DPP6: variants seen among roughly 807,000 people sequenced by gnomAD.
DPP6 encodes the protein A-type potassium channel modulatory protein DPP6.
A neutral mutation model predicts 122.6 loss-of-function variants in DPP6; 69 were observed. The observed-to-expected ratio is 0.56, with a 90% CI of 0.46 to 0.69. The LOEUF (loss-of-function observed/expected upper bound fraction) is 0.69. Among genes scored for constraint, DPP6 ranks in the 30% least tolerant of loss-of-function variants. DPP6 has a pLI of 0.00. For missense variants in DPP6, 928 were observed against 1,116.9 expected (o/e 0.83, Z 2.41); for synonymous variants, 418 against 433.1 (o/e 0.97, Z 0.43).
At chr7:154,382,577 T>C (rs1813720836) in intron 1 of DPP6, among the ~76,000 whole-genome samples, 1 of 152,252 alleles carries the variant, frequency 6.6e-6, no homozygotes, top group South Asian at 2.1e-4. Flanking sequence ...AGCTAACAAA[T>C]GTTTACTCTG....
At chr7:154,015,888 C>A (rs1000259336) in intron 1 of DPP6, among the ~76,000 whole-genome samples, 5 of 152,122 alleles carry the variant, frequency 3.3e-5, no homozygotes, top group African/African-American at 1.2e-4. Context: ...TCCATCACCC[C>A]CTGGAGTACC....
intron 5 of DPP6, among the ~76,000 whole-genome samples, chr7:154,588,934 A>G (rs1050335784): frequency 6.6e-6 from 1 of 152,218 alleles, no homozygotes; most frequent in Non-Finnish European, 1.5e-5. Context: ...GCCCATGTGA[A>G]TTAATTTACC....
At chr7:154,754,264 C>T (rs1042018257) in intron 8 of DPP6, among the ~76,000 whole-genome samples, 1 of 152,120 alleles carries the variant, frequency 6.6e-6, no homozygotes, top group African/African-American at 2.4e-5. Context: ...AAACTAAAGC[C>T]AGACTATGTA....
chr7:154,125,744 C>T (rs1451548106), intron 1 of DPP6, among the ~76,000 whole-genome samples: 2 of 152,128 alleles, frequency 1.3e-5, no homozygotes, highest in Non-Finnish European at 2.9e-5. Context: ...AATGGGTTCA[C>T]ATTGCACAGA....
At chr7:154,528,614 A>C (rs538083208) in intron 3 of DPP6, among the ~76,000 whole-genome samples, 20 of 152,358 alleles carry the variant, frequency 1.3e-4, no homozygotes, top group South Asian at 4.1e-4. Flanking sequence ...TTAGAGATAG[A>C]AAATCAGGAA....
At chr7:154,861,486 A>C (rs951298642) in intron 17 of DPP6, among the ~76,000 whole-genome samples, 7 of 152,106 alleles carry the variant, frequency 4.6e-5, no homozygotes, top group Non-Finnish European at 1.0e-4. Flanking sequence ...TCGAGCTGAT[A>C]TTTACATTCC....
At chr7:154,380,460 G>T (rs1374945397) in intron 1 of DPP6, among the ~76,000 whole-genome samples, 1 of 152,200 alleles carries the variant, frequency 6.6e-6, no homozygotes. Flanking sequence ...GGTGTTCATT[G>T]TGTTCTCCAT....
chr7:153,791,420 C>CTTTTTTT, the DPP6 span, among the ~76,000 whole-genome samples: 13 of 24,232 alleles, frequency 5.4e-4, no homozygotes, highest in African/African-American at 1.6e-3. Context: ...TCCTTCCTTC[C>CTTTTTTT]TTTCTTTTTT....
At chr7:154,266,099 T>C (rs1803402467) in intron 1 of DPP6, among the ~76,000 whole-genome samples, 1 of 152,232 alleles carries the variant, frequency 6.6e-6, no homozygotes. Context: ...ATTTCTCTCA[T>C]ATCTCTATGA....
intron 5 of DPP6, among the ~76,000 whole-genome samples, chr7:154,575,032 G>T (rs1267737993): frequency 1.1e-4 from 16 of 139,362 alleles, no homozygotes; most frequent in African/African-American, 4.3e-4. Context: ...GTATGTGTGT[G>T]GTGTGTGTGG....
chr7:154,476,253 A>G (rs966934046), intron 3 of DPP6, among the ~76,000 whole-genome samples: 2 of 152,180 alleles, frequency 1.3e-5, no homozygotes, highest in Non-Finnish European at 2.9e-5. Context: ...AACTGGGGAG[A>G]AATTAGAGCA....
At chr7:153,889,350 C>A (rs529612029) in intron 1 of DPP6, among the ~76,000 whole-genome samples, 1 of 152,242 alleles carries the variant, frequency 6.6e-6, no homozygotes, top group Non-Finnish European at 1.5e-5. Flanking sequence ...TGGAGTAATG[C>A]TTTTTCATTA....
chr7:154,064,296 A>G (rs548459579), intron 1 of DPP6, among the ~76,000 whole-genome samples: 64 of 152,064 alleles, frequency 4.2e-4, no homozygotes, highest in Middle Eastern at 3.4e-3. Context: ...TCCCTGCTAC[A>G]CTCTTCTGTG....
At chr7:154,515,176 C>A (rs976102798) in intron 3 of DPP6, among the ~76,000 whole-genome samples, 2 of 152,144 alleles carry the variant, frequency 1.3e-5, no homozygotes, top group African/African-American at 4.8e-5. Context: ...GTGGAAGTGG[C>A]TGGAGAGTTT....
At chr7:154,074,095 C>A (rs1231216300) in intron 1 of DPP6, among the ~76,000 whole-genome samples, 2 of 68,504 alleles carry the variant, frequency 2.9e-5, no homozygotes, top group Admixed American at 1.5e-4. Flanking sequence ...ATATAGAGAT[C>A]TATATAGAGA....
At chr7:154,110,232 T>C (rs1408687758) in intron 1 of DPP6, among the ~76,000 whole-genome samples, 1 of 152,110 alleles carries the variant, frequency 6.6e-6, no homozygotes, top group African/African-American at 2.4e-5. Context: ...AAACATTCAA[T>C]GCAATGAGTT....
intron 2 of DPP6, among the ~76,000 whole-genome samples, chr7:154,454,877 T>C (rs925473322): frequency 5.3e-5 from 8 of 152,156 alleles, no homozygotes; most frequent in African/African-American, 1.9e-4. Flanking sequence ...GGGATCTGCT[T>C]GAGCGTTTAT....
intron 3 of DPP6, among the ~76,000 whole-genome samples, chr7:154,493,401 T>G (rs1472543022): frequency 6.6e-6 from 1 of 152,214 alleles, no homozygotes; most frequent in Non-Finnish European, 1.5e-5. Flanking sequence ...AGACCCTGGG[T>G]AGGTGCACTC....
intron 1 of DPP6, among the ~76,000 whole-genome samples, chr7:154,417,220 TG>T (rs1387240658): frequency 6.6e-6 from 1 of 152,206 alleles, no homozygotes; most frequent in Non-Finnish European, 1.5e-5. Context: ...CTCGCTGACA[TG>T]GAAATTCCTT....
Sources: allele counts gnomAD v4.1 joint callset (sites outside exome capture counted in the v4.1 genomes callset), GRCh38; gene constraint gnomAD v4.1.1; transcripts MANE v1.5; gene names NCBI Gene and HGNC (gene_info 2026-07-23, HGNC 2026-07-21).